The following SPTBN1 variants were observed in gnomAD, a reference collection of about 807,000 sequenced individuals.
SPTBN1 encodes spectrin beta, non-erythrocytic 1, also known as spectrin beta chain, non-erythrocytic 1.
A neutral mutation model predicts 266.4 loss-of-function variants in SPTBN1; 32 were observed. That is an observed-to-expected ratio of 0.12 (90% confidence interval 0.09 to 0.16). The LOEUF (loss-of-function observed/expected upper bound fraction) is 0.16, where lower values mean the gene tolerates loss of function less well. Among genes scored for constraint, SPTBN1 ranks in the 10% least tolerant of loss-of-function variants. The probability of loss-of-function intolerance (pLI) is 1.00; values close to 1 mark genes in which losing one functional copy is unlikely to be tolerated. For synonymous variants in SPTBN1, 1,336 were observed against 1,162.2 expected, an observed-to-expected ratio of 1.15 and a Z score of -3.04; for missense variants, 2,296 against 3,067.1, an observed-to-expected ratio of 0.75 and a Z score of 5.94.
rs545951527 is a variant in SPTBN1 at position 54,505,302 on chromosome 2, T to C, written c.-47-21070T>C. On this transcript the variant is annotated intron_variant, in intron 1 of 35. Coordinates refer to ENST00000356805, the MANE Select transcript of SPTBN1 (RefSeq NM_003128.3). ...GCTTCCCACACAGTACTCAGTTCTTTCTGTAGCTATCCTGTTGAATATATG... is the reference window on the plus strand; with the variant it reads ...GCTTCCCACACAGTACTCAGTTCTTCCTGTAGCTATCCTGTTGAATATATG... Among the ~76,000 whole-genome samples the C allele has an allele frequency of 9.2e-5, 14 of 152,340 alleles. No individual in the cohort carries two copies. The South Asian group carries it at 2.9e-3, about 32-fold the overall frequency.
intron 17 of SPTBN1, among the ~76,000 whole-genome samples, chr2:54,633,504 T>C (rs2103958130): frequency 6.6e-6 from 1 of 152,256 alleles, no homozygotes; most frequent in Middle Eastern, 3.4e-3. Context: ...CCCTAACTCT[T>C]TGACTCACTC....
rs373715916 is a variant in SPTBN1, at chr2:54,599,079, T to A, written c.149-13T>A. 30 of 1,613,414 alleles carry A rather than the reference T, an allele frequency of 1.9e-5. No homozygotes were observed. The African/African-American group carries it at 3.7e-4, about 20-fold the overall frequency. ...TGTGGTCAATGGTAAAACAAGTTCT[T>A]CTCTGCTTGCAGATGAGCGTGAAGC... On this transcript the variant is annotated splice_polypyrimidine_tract_variant and intron_variant, in intron 2 of 35. Coordinates refer to ENST00000356805, the MANE Select transcript of SPTBN1 (RefSeq NM_003128.3).
At position 54,649,996 on chromosome 2, in the gene SPTBN1, A is replaced by G; in HGVS notation, c.5577+7A>G. 1 of 1,601,514 alleles carries G rather than the reference A, an allele frequency of 6.2e-7. No individual in the cohort carries two copies. The highest frequency in any genetic ancestry group is 8.5e-7 in the Non-Finnish European group (1 of 1,172,916). On this transcript the variant is annotated splice_region_variant and intron_variant, in intron 26 of 35. Transcript: ENST00000356805. The surrounding 1 kb of genome is among the most constrained non-coding windows in gnomAD (Gnocchi z 6.7). ...CCAGGCTCTGGGCACACAGGTGGGT[A>G]TGGCAGCCACCCAGGGGTGCTGGGG...
chr2:54,534,902 T>G (rs1671509397), intron 2 of SPTBN1: 1 of 152,378 alleles, frequency 6.6e-6, no homozygotes, highest in Non-Finnish European at 1.5e-5. Flanking sequence ...AGAGCCCAGG[T>G]TCTCCTTCCT....
At chr2:54,566,518 T>C (rs1027395065) in intron 2 of SPTBN1, among the ~76,000 whole-genome samples, 1 of 152,104 alleles carries the variant, frequency 6.6e-6, no homozygotes, top group Non-Finnish European at 1.5e-5. Flanking sequence ...ATGTTTAATA[T>C]TCTCTGCTGC....
chr2:54,628,380 AC>A lies in SPTBN1; in HGVS notation c.1798+131del. 8.4e-7 allele frequency: 1 copy of A among 1,185,194 alleles called. No homozygotes were observed. Among genetic ancestry groups the A allele is most frequent in the Non-Finnish European group, 1.1e-6 (1 of 888,698 alleles). The allele number at this position is 1,185,194 out of a possible 1,614,324, so 73.4% of individuals were successfully genotyped here. A position where few individuals can be genotyped will look rare whatever the true frequency, so the allele number is the denominator to read the frequency against. ...TGGGTTTGTCATGGGAGCATGAAAT[AC>A]GGTGGAGTGGCCTTCTGAACACTAA... On this transcript the variant is annotated intron_variant, in intron 13 of 35. Transcript: ENST00000356805. The surrounding 1 kb of genome is among the most constrained non-coding windows in gnomAD (Gnocchi z 4.3).
intron 18 of SPTBN1, among the ~76,000 whole-genome samples, chr2:54,642,492 G>C (rs925587943): frequency 6.6e-5 from 10 of 150,390 alleles, no homozygotes; most frequent in African/African-American, 2.5e-4. Flanking sequence ...CATTCCCTTC[G>C]ATGCACCCAC....
intron 3 of SPTBN1, among the ~76,000 whole-genome samples, chr2:54,599,809 C>T (rs892571810): frequency 6.6e-6 from 1 of 152,222 alleles, no homozygotes; most frequent in African/African-American, 2.4e-5. Context: ...AGTTGTCAGC[C>T]TGCAATGAAA....
intron 2 of SPTBN1, among the ~76,000 whole-genome samples, chr2:54,543,313 G>A (rs1231803403): frequency 1.3e-5 from 2 of 152,248 alleles, no homozygotes; most frequent in Non-Finnish European, 2.9e-5. Flanking sequence ...GGGCATGCAT[G>A]TGAAGTGTTA....
rs534195163 is a variant in SPTBN1 at position 54,627,792 on chromosome 2, C to A, written c.1645-305C>A. 1.9e-3 allele frequency among the ~76,000 whole-genome samples: 289 copies of A among 150,250 alleles called. 2 individuals carry two copies. The highest frequency in any genetic ancestry group is 6.6e-3 in the African/African-American group (271 of 40,832). The stretch of plus-strand genomic sequence containing the variant: ...ACGCTCCCCACTGCCCCCTCCCCCC[C>A]ACCCTGGCCCCGCTGGCCCTCACCA... On this transcript the variant is annotated intron_variant, in intron 12 of 35. Transcript: ENST00000356805.
At chr2:54,598,702 G>A (rs756323974) in intron 2 of SPTBN1, among the ~76,000 whole-genome samples, 1 of 152,132 alleles carries the variant, frequency 6.6e-6, no homozygotes, top group Non-Finnish European at 1.5e-5. Flanking sequence ...GTATAGGGCA[G>A]GACTGCAAAG....
rs1030128007 is a variant in SPTBN1, at chr2:54,653,782, C to T, written c.5751C>T (p.Phe1917=). The change falls in exon 27 of 36, where the codon TTC becomes TTT. Residue 1917 remains phenylalanine (F), a synonymous_variant. Transcript: ENST00000356805. The surrounding 1 kb of genome is among the most constrained non-coding windows in gnomAD (Gnocchi z 5.1). ...ACACAGGGGACAAGTTCCGCTTCTT[C>T]AGCATGGTGCGCGACCTCATGCTCT... ...LVDTGDKFRF[F]SMVRDLMLWM... is the part of the protein sequence containing the mutation. The T allele has an allele frequency of 1.9e-6, 3 of 1,614,124 alleles. No individual in the cohort carries two copies. Among genetic ancestry groups the T allele is most frequent in the African/African-American group, 1.3e-5 (1 of 74,958 alleles).
At chr2:54,472,131 C>T (rs922373379) in intron 1 of SPTBN1, among the ~76,000 whole-genome samples, 1 of 146,780 alleles carries the variant, frequency 6.8e-6, no homozygotes, top group Non-Finnish European at 1.5e-5. Flanking sequence ...GGGTTCACAC[C>T]ATTCTCCTGC....
At chr2:54,552,960 G>T (rs1161970014) in intron 2 of SPTBN1, among the ~76,000 whole-genome samples, 1 of 152,244 alleles carries the variant, frequency 6.6e-6, no homozygotes, top group Non-Finnish European at 1.5e-5. Context: ...GGTGCCACTG[G>T]GGAGAAAGGA....
chr2:54,458,318 T>C (rs1407320199), intron 1 of SPTBN1, among the ~76,000 whole-genome samples: 1 of 152,258 alleles, frequency 6.6e-6, no homozygotes, highest in African/African-American at 2.4e-5. Context: ...TAATGGATAG[T>C]AAATGATTCC....
intron 2 of SPTBN1, among the ~76,000 whole-genome samples, chr2:54,541,678 C>T (rs1253206593): frequency 6.6e-6 from 1 of 152,152 alleles, no homozygotes; most frequent in African/African-American, 2.4e-5. Context: ...TTAAAAAACT[C>T]AATGGATGAC....
intron 3 of SPTBN1, among the ~76,000 whole-genome samples, chr2:54,602,684 A>G (rs1676578503): frequency 6.6e-6 from 1 of 152,100 alleles, no homozygotes; most frequent in African/African-American, 2.4e-5. Context: ...TTCTTACTCC[A>G]TCAGTCATTC....
intron 2 of SPTBN1, among the ~76,000 whole-genome samples, chr2:54,572,386 G>A (rs1206514071): frequency 6.6e-6 from 1 of 152,162 alleles, no homozygotes; most frequent in Non-Finnish European, 1.5e-5. Flanking sequence ...AGATTTTTAT[G>A]TTGTGTGACC....
At chr2:54,459,652 T>C (rs1414613868) in intron 1 of SPTBN1, among the ~76,000 whole-genome samples, 3 of 152,228 alleles carry the variant, frequency 2.0e-5, no homozygotes, top group African/African-American at 7.2e-5. Context: ...TGTTGCATCG[T>C]AACTAGTATC....
Sources: allele counts gnomAD v4.1 joint callset (sites outside exome capture counted in the v4.1 genomes callset), GRCh38; gene constraint gnomAD v4.1.1; non-coding constraint Gnocchi (gnomAD v3.1); transcripts MANE v1.5; gene names NCBI Gene and HGNC (gene_info 2026-07-23, HGNC 2026-07-21).